SGCZ: variants seen among roughly 807,000 people sequenced by gnomAD.
The protein encoded by SGCZ is sarcoglycan zeta.
Under a neutral mutation model 41.3 loss-of-function variants are expected in SGCZ, and 40 were observed. That is an observed-to-expected ratio of 0.97 (90% confidence interval 0.75 to 1.26). SGCZ has a LOEUF of 1.26. SGCZ is among the 50% of genes most tolerant of loss of function. The pLI, the probability that SGCZ is intolerant of heterozygous loss-of-function variation, is 0.00. For synonymous variants in SGCZ, 206 were observed against 137.5 expected (o/e 1.50, Z -3.49); for missense variants, 552 against 369.8 (o/e 1.49, Z -4.04).
chr8:14,259,749 C>T (rs1253927154), intron 3 of SGCZ, among the ~76,000 whole-genome samples: 1 of 150,234 alleles, frequency 6.7e-6, no homozygotes, highest in Non-Finnish European at 1.5e-5. Context: ...TAGTGTGATG[C>T]CTCCAGCTTT....
intron 5 of SGCZ, among the ~76,000 whole-genome samples, chr8:14,116,488 T>C (rs1000936945): frequency 2.6e-5 from 4 of 152,114 alleles, no homozygotes; most frequent in African/African-American, 7.2e-5. Flanking sequence ...CATTTACTAA[T>C]AACCAGGTTT....
At chr8:14,635,851 A>T (rs1348851049) in intron 1 of SGCZ, among the ~76,000 whole-genome samples, 1 of 151,818 alleles carries the variant, frequency 6.6e-6, no homozygotes, top group African/African-American at 2.4e-5. Context: ...AAAAGTAGAC[A>T]TATTTCCTGC....
At chr8:15,155,394 C>T (rs1799299325) in intron 1 of SGCZ, among the ~76,000 whole-genome samples, 1 of 152,186 alleles carries the variant, frequency 6.6e-6, no homozygotes, top group Non-Finnish European at 1.5e-5. Flanking sequence ...AAATATCATA[C>T]TGTACCCCAT....
At chr8:15,132,462 G>T (rs1192204974) in intron 1 of SGCZ, among the ~76,000 whole-genome samples, 1 of 152,172 alleles carries the variant, frequency 6.6e-6, no homozygotes, top group Non-Finnish European at 1.5e-5. Context: ...GGCAAGGCAT[G>T]AATGAATAGA....
intron 1 of SGCZ, among the ~76,000 whole-genome samples, chr8:15,068,199 C>A (rs929694887): frequency 2.0e-5 from 3 of 152,172 alleles, no homozygotes; most frequent in Admixed American, 6.5e-5. Flanking sequence ...CTCATTCTAA[C>A]GTACCATTTT....
At chr8:14,094,709 G>T (rs1020977921) in intron 7 of SGCZ, among the ~76,000 whole-genome samples, 2 of 151,918 alleles carry the variant, frequency 1.3e-5, no homozygotes, top group African/African-American at 4.8e-5. Flanking sequence ...AGGAATCTCC[G>T]CACTGTCTTC....
intron 3 of SGCZ, among the ~76,000 whole-genome samples, chr8:14,265,589 T>A (rs1799839989): frequency 6.6e-6 from 1 of 152,038 alleles, no homozygotes; most frequent in Non-Finnish European, 1.5e-5. Context: ...CGCAAATCAG[T>A]AAGATTTGCT....
chr8:14,802,270 G>T (rs374257263), intron 1 of SGCZ, among the ~76,000 whole-genome samples: 3 of 152,118 alleles, frequency 2.0e-5, no homozygotes, highest in Non-Finnish European at 4.4e-5. Flanking sequence ...TATTTAGAAG[G>T]TGCTTCCCCA....
intron 1 of SGCZ, among the ~76,000 whole-genome samples, chr8:15,100,244 T>A (rs1457250015): frequency 1.3e-5 from 2 of 151,864 alleles, no homozygotes; most frequent in African/African-American, 4.9e-5. Context: ...GTTAAGTAAT[T>A]ATAGCAAGGT....
At chr8:15,194,852 A>G (rs2410239) in intron 1 of SGCZ, among the ~76,000 whole-genome samples, 61,407 of 152,056 alleles carry the variant, frequency 0.4, 13,111 homozygotes, top group African/African-American at 0.53. Flanking sequence ...CTCCCAACCT[A>G]TAAGGTAAGT....
chr8:14,581,377 G>A (rs895205170), intron 1 of SGCZ, among the ~76,000 whole-genome samples: 1 of 151,902 alleles, frequency 6.6e-6, no homozygotes, highest in Non-Finnish European at 1.5e-5. Context: ...AAAATGCTGG[G>A]AATACAGGCA....
intron 2 of SGCZ, among the ~76,000 whole-genome samples, chr8:14,420,358 G>T (rs1799606302): frequency 6.6e-6 from 1 of 151,876 alleles, no homozygotes; most frequent in Non-Finnish European, 1.5e-5. Flanking sequence ...ATTCACAATT[G>T]CCCCATTGCT....
chr8:14,787,286 A>G (rs945627259), intron 1 of SGCZ, among the ~76,000 whole-genome samples: 1 of 152,040 alleles, frequency 6.6e-6, no homozygotes, highest in African/African-American at 2.4e-5. Flanking sequence ...AATAAGTAAT[A>G]ACTTAGAGTT....
chr8:14,313,415 G>C (rs1437653862), intron 3 of SGCZ, among the ~76,000 whole-genome samples: 1 of 152,184 alleles, frequency 6.6e-6, no homozygotes, highest in African/African-American at 2.4e-5. Flanking sequence ...CTGAGTTCAA[G>C]TGATTCTCAT....
At chr8:15,176,459 G>T (rs1489903833) in intron 1 of SGCZ, among the ~76,000 whole-genome samples, 1 of 152,066 alleles carries the variant, frequency 6.6e-6, no homozygotes. Context: ...TCTATGTTTA[G>T]AAAGCATAAT....
At chr8:14,260,622 G>A (rs76263049) in intron 3 of SGCZ, among the ~76,000 whole-genome samples, 138,577 of 149,104 alleles carry the variant, frequency 0.93, 65,199 homozygotes, top group East Asian at 1. Context: ...ACTATAAATC[G>A]TGCTGCTATA....
At chr8:14,830,870 G>C (rs770406845) in intron 1 of SGCZ, among the ~76,000 whole-genome samples, 6 of 151,958 alleles carry the variant, frequency 3.9e-5, no homozygotes, top group Non-Finnish European at 8.8e-5. Flanking sequence ...TTTGAAAACT[G>C]GTGTTACAAG....
chr8:14,328,150 C>T (rs1802190587), intron 2 of SGCZ, among the ~76,000 whole-genome samples: 1 of 152,096 alleles, frequency 6.6e-6, no homozygotes, highest in South Asian at 2.1e-4. Flanking sequence ...AACATATATT[C>T]CATATATAAT....
At chr8:14,831,644 G>GTGTGTATA (rs199982117) in intron 1 of SGCZ, among the ~76,000 whole-genome samples, 7 of 150,162 alleles carry the variant, frequency 4.7e-5, no homozygotes, top group East Asian at 1.9e-4. Context: ...GTGTGTGTGT[G>GTGTGTATA]TATATATATA....
Sources: gnomAD v4.1 joint callset for allele counts (sites outside exome capture counted in the v4.1 genomes callset) on GRCh38, gnomAD v4.1.1 for gene constraint, MANE v1.5 for transcripts, NCBI Gene and HGNC (gene_info 2026-07-23, HGNC 2026-07-21) for gene names.